The following LARGE1 variants were observed in gnomAD, a reference collection of about 807,000 sequenced individuals.
LARGE1 encodes the protein xylosyl- and glucuronyltransferase LARGE1.
A neutral mutation model predicts 87.6 loss-of-function variants in LARGE1; 43 were observed. The observed-to-expected ratio is 0.49, with a 90% CI of 0.38 to 0.63. LARGE1 has a LOEUF of 0.63. Ranked by LOEUF, LARGE1 falls within the 30% of genes least tolerant of loss-of-function variation. The pLI is 0.00. For missense variants in LARGE1, 802 were observed against 1,000.2 expected (o/e 0.80, Z 2.67); for synonymous variants, 434 against 394.6 (o/e 1.10, Z -1.18).
At position 33,334,435 on chromosome 22, in the gene LARGE1, A is replaced by AAC. The variant is rs796682561; in HGVS notation, c.1287+3210_1287+3211insGT. ...AAAAAAAAAAAAACAAAAAAAAAAA[A>AAC]CACCAAACAAAAAGAAACAGGGCAT... On this transcript the variant is annotated intron_variant, in intron 10 of 14. Transcript: ENST00000397394. 3.5e-3 allele frequency among the ~76,000 whole-genome samples: 510 copies of AAC among 144,984 alleles called. 27 individuals carry two copies. Among genetic ancestry groups the AAC allele is most frequent in the African/African-American group, 0.013 (475 of 36,428 alleles).
At chr22:33,277,887 C>G (rs1371586551) in intron 13 of LARGE1, among the ~76,000 whole-genome samples, 2 of 152,186 alleles carry the variant, frequency 1.3e-5, no homozygotes, top group Non-Finnish European at 2.9e-5. Flanking sequence ...CAGGAATTGA[C>G]TGCAGGTGAG....
At chr22:33,469,359 G>T (rs192993624) in intron 6 of LARGE1, among the ~76,000 whole-genome samples, 4 of 152,126 alleles carry the variant, frequency 2.6e-5, no homozygotes, top group African/African-American at 9.7e-5. Context: ...TCATAAAAAA[G>T]AACAAGGTCA....
chr22:33,604,767 C>T (rs2079207135), intron 4 of LARGE1, among the ~76,000 whole-genome samples: 1 of 152,166 alleles, frequency 6.6e-6, no homozygotes, highest in Admixed American at 6.5e-5. Flanking sequence ...ACCTCTGTGA[C>T]TCAGAGAAGT....
At chr22:33,404,624 G>A (rs1003910190) in intron 7 of LARGE1, among the ~76,000 whole-genome samples, 11 of 152,186 alleles carry the variant, frequency 7.2e-5, no homozygotes, top group Admixed American at 3.9e-4. Context: ...TTGGATTAGC[G>A]AGGTGTGCAT....
intron 9 of LARGE1, among the ~76,000 whole-genome samples, chr22:33,375,742 T>C (rs935183249): frequency 1.3e-5 from 2 of 152,108 alleles, no homozygotes; most frequent in Admixed American, 6.5e-5. Context: ...TTTTTATTTA[T>C]GTTTATTTTT....
chr22:33,076,431 G>T, the LARGE1 span, among the ~76,000 whole-genome samples: 2 of 152,086 alleles, frequency 1.3e-5, no homozygotes, highest in South Asian at 4.1e-4. Flanking sequence ...TCTGTTCCAA[G>T]GACTTGTGTT....
Position 33,615,020 on chromosome 22 carries a change from A to G in LARGE1, c.492-10462T>C, listed in dbSNP as rs182377230. Among the ~76,000 whole-genome samples, 603 of 152,270 alleles carry G rather than the reference A, an allele frequency of 4.0e-3. 4 individuals carry two copies. The highest frequency in any genetic ancestry group is 0.014 in the African/African-American group (576 of 41,542). On this transcript the variant is annotated intron_variant, in intron 4 of 14. Transcript: ENST00000397394. ...GCCTTCTGTTCTCAAGTTAGACACC[A>G]CAGTTCTGAGGAGGCCATTCCACGG...
At chr22:33,751,183 T>C (rs1158543110) in intron 2 of LARGE1, among the ~76,000 whole-genome samples, 2 of 152,080 alleles carry the variant, frequency 1.3e-5, no homozygotes, top group Admixed American at 6.6e-5. Flanking sequence ...ATCACACAGG[T>C]TAAAATTAAA....
At chr22:33,122,100 T>G in the LARGE1 span, among the ~76,000 whole-genome samples, 1 of 152,204 alleles carries the variant, frequency 6.6e-6, no homozygotes, top group African/African-American at 2.4e-5. Context: ...TGGATTGTGT[T>G]TCTGTCAGAG....
rs529159031 is a variant in LARGE1, at chr22:33,717,818, T to C, written c.106+43553A>G. ...AACCATCCTGAAATCTCATTTCAAATGCATTCTGCCAAAGTCGCTTTGTCC... is the reference window on the plus strand; with the variant it reads ...AACCATCCTGAAATCTCATTTCAAACGCATTCTGCCAAAGTCGCTTTGTCC... On this transcript the variant is annotated intron_variant, in intron 2 of 14. Transcript: ENST00000397394. Among the ~76,000 whole-genome samples the C allele has an allele frequency of 7.9e-5, 12 of 152,334 alleles. No homozygotes were observed. In the South Asian group the frequency reaches 2.5e-3, roughly 32 times the overall value.
intron 6 of LARGE1, among the ~76,000 whole-genome samples, chr22:33,519,237 T>C (rs559045954): frequency 0.027 from 3,889 of 143,222 alleles, 106 homozygotes; most frequent in African/African-American, 0.077. Flanking sequence ...TGCGCGCGCG[T>C]GTGTGTGTGT....
intron 6 of LARGE1, among the ~76,000 whole-genome samples, chr22:33,462,804 C>A (rs1274603113): frequency 6.6e-6 from 1 of 151,706 alleles, no homozygotes; most frequent in East Asian, 1.9e-4. Context: ...AATATATATA[C>A]CAACTGAAAA....
chr22:33,783,777 C>T (rs1447663508), intron 1 of LARGE1, among the ~76,000 whole-genome samples: 1 of 152,110 alleles, frequency 6.6e-6, no homozygotes, highest in Non-Finnish European at 1.5e-5. Flanking sequence ...AGTGCTGGTG[C>T]CACTGCATGA....
At chr22:33,717,906 C>A (rs1174546827) in intron 2 of LARGE1, among the ~76,000 whole-genome samples, 1 of 152,222 alleles carries the variant, frequency 6.6e-6, no homozygotes, top group Non-Finnish European at 1.5e-5. Context: ...AGACCAGTCA[C>A]CACTCATGTC....
At chr22:33,254,755 T>G (rs1049388347) in intron 11 of LARGE1, among the ~76,000 whole-genome samples, 7 of 152,172 alleles carry the variant, frequency 4.6e-5, no homozygotes, top group African/African-American at 1.7e-4. Context: ...TCCATAGTAC[T>G]TACTAGGTTT....
chr22:33,532,276 C>T (rs1003168103), intron 6 of LARGE1, among the ~76,000 whole-genome samples: 2 of 152,224 alleles, frequency 1.3e-5, no homozygotes, highest in African/African-American at 4.8e-5. Flanking sequence ...CCTGTTCTAA[C>T]CACCTTTGAG....
intron 11 of LARGE1, among the ~76,000 whole-genome samples, chr22:33,222,805 GTTT>G (rs1040086056): frequency 1.3e-5 from 2 of 152,134 alleles, no homozygotes; most frequent in Admixed American, 6.6e-5. Context: ...TTGGCACCTG[GTTT>G]TTTGGCAATT....
At chr22:33,469,534 A>G (rs902915675) in intron 6 of LARGE1, among the ~76,000 whole-genome samples, 1 of 152,172 alleles carries the variant, frequency 6.6e-6, no homozygotes, top group Non-Finnish European at 1.5e-5. Flanking sequence ...GAGGGTGGGA[A>G]GAGAATAAGG....
intron 11 of LARGE1, among the ~76,000 whole-genome samples, chr22:33,181,317 C>G (rs994823782): frequency 6.6e-6 from 1 of 152,072 alleles, no homozygotes; most frequent in African/African-American, 2.4e-5. Flanking sequence ...CTACTGTATA[C>G]ATGATAATAT....
Sources: gnomAD v4.1 joint callset for allele counts (sites outside exome capture counted in the v4.1 genomes callset) on GRCh38, gnomAD v4.1.1 for gene constraint, MANE v1.5 for transcripts, NCBI Gene and HGNC (gene_info 2026-07-23, HGNC 2026-07-21) for gene names.